The following TMCO6 variants were observed in gnomAD, a reference collection of about 807,000 sequenced individuals.
The protein encoded by TMCO6 is transmembrane and coiled-coil domain-containing protein 6.
A neutral mutation model predicts 61.8 loss-of-function variants in TMCO6; 47 were observed. That is an observed-to-expected ratio of 0.76 (90% CI 0.60 to 0.97). The LOEUF (loss-of-function observed/expected upper bound fraction) is 0.97. Among genes scored for constraint, TMCO6 ranks in the 50% least tolerant of loss-of-function variants. TMCO6 has a pLI of 0.00. For missense variants in TMCO6, 557 were observed against 601.6 expected (o/e 0.93, Z 0.78); for synonymous variants, 261 against 254.2 (o/e 1.03, Z -0.25).
At chr5:140,630,474 TC>T in the TMCO6 span, among the ~76,000 whole-genome samples, 3 of 152,164 alleles carry the variant, frequency 2.0e-5, no homozygotes, top group Admixed American at 6.5e-5. Flanking sequence ...TTTTATGTGT[TC>T]CCCCGACCCC....
At chr5:140,629,152 C>G in the TMCO6 span, among the ~76,000 whole-genome samples, 1 of 151,956 alleles carries the variant, frequency 6.6e-6, no homozygotes. Flanking sequence ...GCCTGTAATC[C>G]CAGCTACTCA....
At chr5:140,627,002 C>T in the TMCO6 span, among the ~76,000 whole-genome samples, 1 of 152,160 alleles carries the variant, frequency 6.6e-6, no homozygotes, top group East Asian at 1.9e-4. Context: ...CCTGCCACAA[C>T]TTGCTCAAAG....
At chr5:140,620,952 A>G in the TMCO6 span, among the ~76,000 whole-genome samples, 2 of 152,078 alleles carry the variant, frequency 1.3e-5, no homozygotes, top group Non-Finnish European at 2.9e-5. Context: ...GGTCGAGTCT[A>G]CAGTCAGCTG....
chr5:140,606,757 T>C, the TMCO6 span, among the ~76,000 whole-genome samples: 1 of 152,108 alleles, frequency 6.6e-6, no homozygotes, highest in Non-Finnish European at 1.5e-5. Flanking sequence ...TGAAACCCTG[T>C]CTCTACTAAA....
the TMCO6 span, among the ~76,000 whole-genome samples, chr5:140,598,638 T>C: frequency 6.6e-6 from 1 of 152,196 alleles, no homozygotes; most frequent in Non-Finnish European, 1.5e-5. Flanking sequence ...CAGTCCAAAG[T>C]AAGTGTCTAT....
the TMCO6 span, among the ~76,000 whole-genome samples, chr5:140,599,805 G>A: frequency 6.6e-6 from 1 of 152,154 alleles, no homozygotes; most frequent in Admixed American, 6.6e-5. Flanking sequence ...GGAGGCTGAG[G>A]CAGGAGAATC....
Position 140,645,319 on chromosome 5 carries a change from A to T in TMCO6, c.*221A>T. On this transcript the variant is annotated 3_prime_UTR_variant, in exon 12 of 12. Transcript: ENST00000394671. The stretch of plus-strand genomic sequence containing the variant: ...GGTCTACTTACTCTGGGGCCCTAGA[A>T]TCCCTGCCCCCCCGCCACCCTTCAT... 1 of 722,224 alleles carries T rather than the reference A, an allele frequency of 1.4e-6. No homozygotes were observed. The highest frequency in any genetic ancestry group is 2.4e-6 in the Non-Finnish European group (1 of 413,184). The allele number at this position is 722,224 out of a possible 1,614,324, so 44.7% of individuals were successfully genotyped here. A position where few individuals can be genotyped will look rare whatever the true frequency, so the allele number is the denominator to read the frequency against.
the TMCO6 span, chr5:140,632,552 A>G: frequency 6.2e-7 from 1 of 1,614,140 alleles, no homozygotes; most frequent in Admixed American, 1.7e-5. The surrounding 1 kb of genome is among the most constrained non-coding windows in gnomAD (Gnocchi z 6.2). Flanking sequence ...GCAAGCTGGA[A>G]AGTGCAAGTC....
At position 140,644,586 on chromosome 5, in the gene TMCO6, T is replaced by C; in HGVS notation, c.1214T>C (p.Leu405Pro). ...NVVSVMVLTV[L>P]CNVAEKGPAY... Reference sequence around the variant, plus strand: ...GTCTATCTGCAGGTGCTCACAGTTCTGTGCAATGTTGCAGAAAAGGGTCCT... The same window carrying C: ...GTCTATCTGCAGGTGCTCACAGTTCCGTGCAATGTTGCAGAAAAGGGTCCT... Residue 405 changes from leucine to proline, a missense_variant, in exon 11 of 12, where the codon CTG becomes CCG. Transcript: ENST00000394671. 1 of 1,614,222 alleles carries C rather than the reference T, an allele frequency of 6.2e-7. No homozygotes were observed. Among genetic ancestry groups the C allele is most frequent in the Non-Finnish European group, 8.5e-7 (1 of 1,180,028 alleles).
chr5:140,633,057 C>A, the TMCO6 span: 1 of 1,613,372 alleles, frequency 6.2e-7, no homozygotes, highest in Non-Finnish European at 8.5e-7. Context: ...GACCCCAAGA[C>A]CCTACACTCA....
At position 140,645,328 on chromosome 5, in the gene TMCO6, C is replaced by T. The variant is rs538864923; in HGVS notation, c.*230C>T. On this transcript the variant is annotated 3_prime_UTR_variant, in exon 12 of 12. Coordinates refer to ENST00000394671, the MANE Select transcript of TMCO6 (RefSeq NM_018502.5). Reference sequence around the variant, plus strand: ...ACTCTGGGGCCCTAGAATCCCTGCCCCCCCGCCACCCTTCATGTTTGCTTC... The same window carrying T: ...ACTCTGGGGCCCTAGAATCCCTGCCTCCCCGCCACCCTTCATGTTTGCTTC... 3.7e-5 allele frequency: 27 copies of T among 728,632 alleles called. No homozygotes were observed. In the East Asian group the frequency reaches 7.2e-4, roughly 20 times the overall value. The allele number at this position is 728,632 out of a possible 1,614,324, so 45.1% of individuals were successfully genotyped here. A position where few individuals can be genotyped will look rare whatever the true frequency, so the allele number is the denominator to read the frequency against.
At chr5:140,604,321 GA>G in the TMCO6 span, among the ~76,000 whole-genome samples, 1 of 152,010 alleles carries the variant, frequency 6.6e-6, no homozygotes, top group South Asian at 2.1e-4. Flanking sequence ...TTGAGCCCAG[GA>G]GGTAGAGGCT....
chr5:140,642,700 C>G, intron 6 of TMCO6, 29 bp downstream of exon 6: 1 of 1,609,558 alleles, frequency 6.2e-7, no homozygotes, highest in East Asian at 2.2e-5. Flanking sequence ...AGATGTGCAG[C>G]CAGAGGTGAC....
chr5:140,632,473 C>T, the TMCO6 span: 1 of 1,614,192 alleles, frequency 6.2e-7, no homozygotes, highest in South Asian at 1.1e-5. The surrounding 1 kb of genome is among the most constrained non-coding windows in gnomAD (Gnocchi z 6.2). Flanking sequence ...ACCTTGAGGC[C>T]TGGCTTGAGC....
At chr5:140,631,473 C>A in the TMCO6 span, among the ~76,000 whole-genome samples, 1 of 152,176 alleles carries the variant, frequency 6.6e-6, no homozygotes, top group African/African-American at 2.4e-5. Context: ...AAATATCATG[C>A]AAATACCTTT....
At chr5:140,632,234 C>T in the TMCO6 span, 4 of 1,613,468 alleles carry the variant, frequency 2.5e-6, no homozygotes, top group Middle Eastern at 1.7e-4. This position sits in a 1 kb window ranked among gnomAD's most constrained non-coding sequence, Gnocchi z 6.2. Flanking sequence ...GGCTGTGGGG[C>T]TGCACACCTG....
At chr5:140,610,802 G>T in the TMCO6 span, among the ~76,000 whole-genome samples, 1 of 152,110 alleles carries the variant, frequency 6.6e-6, no homozygotes, top group Admixed American at 6.6e-5. Flanking sequence ...TTTTGTTGCT[G>T]ATCTTAAGGC....
At chr5:140,637,265 G>A (rs748294459), upstream of TMCO6, among the ~76,000 whole-genome samples, 8 of 152,122 alleles carry the variant, frequency 5.3e-5, no homozygotes, top group Non-Finnish European at 1.2e-4. Context: ...GGGCTAAGTC[G>A]GCCACAATTC....
chr5:140,613,489 C>T, the TMCO6 span, among the ~76,000 whole-genome samples: 15 of 151,240 alleles, frequency 9.9e-5, no homozygotes, highest in African/African-American at 2.9e-4. Flanking sequence ...CACACCTACC[C>T]ATCAGCATCT....
Sources: allele counts gnomAD v4.1 joint callset (sites outside exome capture counted in the v4.1 genomes callset), GRCh38; gene constraint gnomAD v4.1.1; non-coding constraint Gnocchi (gnomAD v3.1); transcripts MANE v1.5; gene names NCBI Gene and HGNC (gene_info 2026-07-23, HGNC 2026-07-21).